The following CPEB3 variants were observed in gnomAD, a reference collection of about 807,000 sequenced individuals.
CPEB3 encodes the protein cytoplasmic polyadenylation element-binding protein 3.
Under a neutral mutation model 67.2 loss-of-function variants are expected in CPEB3, and 20 were observed. The observed-to-expected ratio is 0.30, with a 90% CI of 0.21 to 0.43. The LOEUF is 0.43. Ranked by LOEUF, CPEB3 falls within the 20% of genes least tolerant of loss-of-function variation. The probability of loss-of-function intolerance (pLI) is 1.00; values close to 1 mark genes in which losing one functional copy is unlikely to be tolerated. For synonymous variants in CPEB3, 376 were observed against 393.1 expected, an observed-to-expected ratio of 0.96 and a Z score of 0.51; for missense variants, 746 against 968.6, an observed-to-expected ratio of 0.77 and a Z score of 3.05.
chr10:92,150,865 A>C (rs1403557396), intron 4 of CPEB3, among the ~76,000 whole-genome samples: 2 of 152,356 alleles, frequency 1.3e-5, no homozygotes, highest in East Asian at 3.9e-4. Context: ...TTAGAACACC[A>C]TGATACTGCC....
intron 8 of CPEB3, among the ~76,000 whole-genome samples, chr10:92,088,719 C>T (rs1232556404): frequency 6.6e-6 from 1 of 151,722 alleles, no homozygotes; most frequent in Non-Finnish European, 1.5e-5. Context: ...ACTTTTTGGC[C>T]CTGAATAAGG....
intron 2 of CPEB3, among the ~76,000 whole-genome samples, chr10:92,196,011 AG>A (rs1849222238): frequency 1.3e-5 from 2 of 152,232 alleles, no homozygotes; most frequent in Non-Finnish European, 2.9e-5. Flanking sequence ...AAAATAAAAC[AG>A]GATTTTGGGA....
At chr10:92,087,117 T>C (rs1432294519) in intron 8 of CPEB3, among the ~76,000 whole-genome samples, 2 of 152,242 alleles carry the variant, frequency 1.3e-5, no homozygotes, top group African/African-American at 2.4e-5. Context: ...GGACATGGTT[T>C]CTAATACATG....
chr10:92,279,510 T>C (rs1050773985), intron 1 of CPEB3, among the ~76,000 whole-genome samples: 1 of 152,186 alleles, frequency 6.6e-6, no homozygotes, highest in African/African-American at 2.4e-5. Context: ...TGTCTATTTA[T>C]AGCACTTCAT....
chr10:92,120,779 C>A (rs879544528), intron 6 of CPEB3, among the ~76,000 whole-genome samples: 9 of 151,978 alleles, frequency 5.9e-5, no homozygotes, highest in Non-Finnish European at 1.3e-4. Context: ...CGGCTCACTG[C>A]AACCTCTGCC....
intron 4 of CPEB3, among the ~76,000 whole-genome samples, chr10:92,177,149 T>C (rs926817057): frequency 3.3e-5 from 5 of 152,224 alleles, no homozygotes; most frequent in Non-Finnish European, 5.9e-5. Flanking sequence ...ACCACATATG[T>C]AGCTAGAAGA....
At chr10:92,270,529 C>A (rs1281311205) in intron 1 of CPEB3, among the ~76,000 whole-genome samples, 2 of 148,908 alleles carry the variant, frequency 1.3e-5, no homozygotes, top group South Asian at 2.1e-4. Flanking sequence ...AAGGGCAATA[C>A]AAGGCCATTA....
intron 2 of CPEB3, among the ~76,000 whole-genome samples, chr10:92,228,470 C>G (rs1180791772): frequency 6.6e-6 from 1 of 152,104 alleles, no homozygotes; most frequent in African/African-American, 2.4e-5. Flanking sequence ...TGCTGCTTAT[C>G]TGAAACCTAA....
chr10:92,239,018 C>T lies in CPEB3; in HGVS notation c.1005+328G>A, dbSNP rs1051863163. Among the ~76,000 whole-genome samples, 2 of 152,116 alleles carry T rather than the reference C, an allele frequency of 1.3e-5. No individual in the cohort carries two copies. The highest frequency in any genetic ancestry group is 2.9e-5 in the Non-Finnish European group (2 of 68,026). ...CAGCCTACTCATCCTGGGACTATGC[C>T]GGCACCTTGCCACACACTTGCAGCT... On this transcript the variant is annotated intron_variant, in intron 2 of 9. Transcript: ENST00000265997. This position sits in a 1 kb window ranked among gnomAD's most constrained non-coding sequence, Gnocchi z 6.0.
chr10:92,289,147 G>T (rs981422357), intron 1 of CPEB3, among the ~76,000 whole-genome samples: 1 of 152,104 alleles, frequency 6.6e-6, no homozygotes, highest in African/African-American at 2.4e-5. Flanking sequence ...GGAGGCTGAG[G>T]CACGATAATC....
At chr10:92,172,812 T>A (rs1413412765) in intron 4 of CPEB3, among the ~76,000 whole-genome samples, 3 of 152,224 alleles carry the variant, frequency 2.0e-5, no homozygotes, top group Admixed American at 1.3e-4. Context: ...TTTTTTTCCA[T>A]GTTCTGGAAA....
intron 2 of CPEB3, among the ~76,000 whole-genome samples, chr10:92,203,346 ATATATATATG>A (rs1383735939): frequency 6.1e-5 from 9 of 147,272 alleles, no homozygotes; most frequent in Admixed American, 5.5e-4. Flanking sequence ...TGATATATAT[ATATATATATG>A]TATATATATG....
intron 6 of CPEB3, among the ~76,000 whole-genome samples, chr10:92,128,556 C>T (rs181692843): frequency 6.6e-6 from 1 of 152,226 alleles, no homozygotes; most frequent in Non-Finnish European, 1.5e-5. Flanking sequence ...AAAGAGTGAA[C>T]AGACAACCTA....
chr10:92,255,639 C>T (rs1852482915), intron 1 of CPEB3, among the ~76,000 whole-genome samples: 1 of 152,160 alleles, frequency 6.6e-6, no homozygotes, highest in Non-Finnish European at 1.5e-5. Context: ...TCTATTAACA[C>T]CCTGAACAAA....
intron 4 of CPEB3, among the ~76,000 whole-genome samples, chr10:92,153,645 G>A (rs1847068775): frequency 6.6e-6 from 1 of 152,176 alleles, no homozygotes; most frequent in Non-Finnish European, 1.5e-5. Context: ...GCCGGGCATG[G>A]TGGTGCGTGC....
intron 9 of CPEB3, among the ~76,000 whole-genome samples, chr10:92,061,433 A>C (rs1842345400): frequency 1.3e-5 from 2 of 151,332 alleles, no homozygotes; most frequent in Admixed American, 6.6e-5. Context: ...AAAAAAAAAA[A>C]AAAAAAAAAA....
At chr10:92,070,986 A>C (rs1160642587) in intron 9 of CPEB3, among the ~76,000 whole-genome samples, 1 of 152,010 alleles carries the variant, frequency 6.6e-6, no homozygotes, top group Non-Finnish European at 1.5e-5. Flanking sequence ...TTCAAATATT[A>C]GTCATCCATG....
chr10:92,054,381 T>C (rs1842034097), intron 9 of CPEB3, among the ~76,000 whole-genome samples: 1 of 152,104 alleles, frequency 6.6e-6, no homozygotes, highest in Admixed American at 6.6e-5. Flanking sequence ...TTTAAAAGAC[T>C]GATAACTATT....
At chr10:92,128,487 A>T (rs1453483275) in intron 6 of CPEB3, among the ~76,000 whole-genome samples, 2 of 152,224 alleles carry the variant, frequency 1.3e-5, no homozygotes, top group African/African-American at 2.4e-5. Flanking sequence ...CTCTTTAAAA[A>T]TATGAAAATT....
Sources: gnomAD v4.1 joint callset for allele counts (sites outside exome capture counted in the v4.1 genomes callset) on GRCh38, gnomAD v4.1.1 for gene constraint, Gnocchi (gnomAD v3.1) non-coding constraint, MANE v1.5 for transcripts, NCBI Gene and HGNC (gene_info 2026-07-23, HGNC 2026-07-21) for gene names.